Variants in DCC observed in about 807,000 individuals in gnomAD.
DCC encodes the protein DCC netrin 1 receptor, also known as netrin receptor DCC.
Under a neutral mutation model 172.5 loss-of-function variants are expected in DCC, and 58 were observed. That is an observed-to-expected ratio of 0.34 (90% CI 0.27 to 0.42). DCC has a LOEUF of 0.42. Ranked by LOEUF, DCC falls within the 10% of genes least tolerant of loss-of-function variation. The pLI, the probability that DCC is intolerant of heterozygous loss-of-function variation, is 1.00. For synonymous variants in DCC, 709 were observed against 644.5 expected (o/e 1.10, Z -1.52); for missense variants, 1,740 against 1,791.0 (o/e 0.97, Z 0.51).
intron 5 of DCC, among the ~76,000 whole-genome samples, chr18:53,060,668 CTATTT>C (rs2042481323): frequency 6.6e-6 from 1 of 152,102 alleles, no homozygotes; most frequent in Non-Finnish European, 1.5e-5. Context: ...AGAAATCACT[CTATTT>C]TATTAATCAA....
At chr18:52,533,365 G>A (rs79531983) in intron 1 of DCC, among the ~76,000 whole-genome samples, 1 of 152,056 alleles carries the variant, frequency 6.6e-6, no homozygotes, top group Non-Finnish European at 1.5e-5. Flanking sequence ...ACATCATAAA[G>A]ATCCTTGTGT....
At chr18:52,881,355 T>C (rs1217087285) in intron 2 of DCC, among the ~76,000 whole-genome samples, 2 of 152,180 alleles carry the variant, frequency 1.3e-5, no homozygotes, top group Non-Finnish European at 2.9e-5. Flanking sequence ...TATAACTTGA[T>C]GTGACCCAGT....
At chr18:52,502,047 T>C (rs2031042554) in intron 1 of DCC, among the ~76,000 whole-genome samples, 1 of 152,192 alleles carries the variant, frequency 6.6e-6, no homozygotes, top group African/African-American at 2.4e-5. Flanking sequence ...AAGTTCTAAA[T>C]ATGAGAAACT....
chr18:52,380,239 T>G (rs188588117), intron 1 of DCC, among the ~76,000 whole-genome samples: 1 of 151,878 alleles, frequency 6.6e-6, no homozygotes, highest in Admixed American at 6.6e-5. Flanking sequence ...CAACATATAT[T>G]TTAGAGGAGC....
intron 2 of DCC, among the ~76,000 whole-genome samples, chr18:52,900,435 T>C (rs1397939950): frequency 1.3e-5 from 2 of 152,246 alleles, no homozygotes; most frequent in Non-Finnish European, 2.9e-5. Flanking sequence ...GGCAGTCTCA[T>C]AATGGCTCTA....
At chr18:53,044,358 T>C (rs940966050) in intron 5 of DCC, among the ~76,000 whole-genome samples, 6 of 151,918 alleles carry the variant, frequency 3.9e-5, no homozygotes, top group African/African-American at 1.4e-4. Flanking sequence ...TTGCATAGTA[T>C]GTATTTTTAA....
chr18:52,946,211 G>C (rs767216971), intron 5 of DCC, among the ~76,000 whole-genome samples: 8 of 152,092 alleles, frequency 5.3e-5, no homozygotes, highest in Non-Finnish European at 1.2e-4. Flanking sequence ...GTACCTCTTT[G>C]TTTACAGCCT....
At chr18:52,357,827 A>G (rs953645886) in intron 1 of DCC, among the ~76,000 whole-genome samples, 1 of 151,508 alleles carries the variant, frequency 6.6e-6, no homozygotes, top group African/African-American at 2.4e-5. Context: ...AGTCCCAGCT[A>G]CTCGGGAGGC....
chr18:52,468,808 A>C (rs1259214542), intron 1 of DCC, among the ~76,000 whole-genome samples: 1 of 152,034 alleles, frequency 6.6e-6, no homozygotes. Context: ...TGCAACACTA[A>C]ATTTGTGTTA....
At chr18:52,595,702 G>T (rs1005445535) in intron 1 of DCC, among the ~76,000 whole-genome samples, 1 of 152,158 alleles carries the variant, frequency 6.6e-6, no homozygotes, top group Non-Finnish European at 1.5e-5. Context: ...ATTTTAACCA[G>T]CTACAATCAC....
intron 1 of DCC, among the ~76,000 whole-genome samples, chr18:52,488,404 T>C (rs1364154125): frequency 1.3e-5 from 2 of 152,118 alleles, no homozygotes; most frequent in African/African-American, 2.4e-5. Flanking sequence ...TTAATGTGCT[T>C]GTGTATACCA....
At chr18:53,145,777 A>C (rs935461990) in intron 7 of DCC, among the ~76,000 whole-genome samples, 1 of 152,236 alleles carries the variant, frequency 6.6e-6, no homozygotes, top group Non-Finnish European at 1.5e-5. Context: ...AAAGAAATAA[A>C]TAGAAAAAGA....
chr18:53,453,716 A>G (rs1201697694), intron 23 of DCC, among the ~76,000 whole-genome samples: 2 of 152,186 alleles, frequency 1.3e-5, no homozygotes, highest in African/African-American at 4.8e-5. Flanking sequence ...TACTGCTTCT[A>G]TAGTAAACTA....
At chr18:53,056,214 T>A (rs141153740) in intron 5 of DCC, among the ~76,000 whole-genome samples, 29 of 152,198 alleles carry the variant, frequency 1.9e-4, no homozygotes, top group African/African-American at 6.7e-4. Context: ...GTTAGATACA[T>A]GTCTTCACAA....
In DCC at chr18:52,822,593, A is replaced by G. The variant is rs575902447; in HGVS notation, c.412+70219A>G. On this transcript the variant is annotated intron_variant, in intron 2 of 28. Transcript: ENST00000442544. ...TTTTCCCCCTAAACAAAAAGGAAAC[A>G]AAATGTTGAGAGAATGTCAAGCTGC... is the stretch of plus-strand genomic sequence containing the variant. Among the ~76,000 whole-genome samples the G allele has an allele frequency of 3.3e-5, 5 of 152,362 alleles. No individual in the cohort carries two copies. In the South Asian group the frequency reaches 8.3e-4, roughly 25 times the overall value.
At chr18:52,919,528 T>A (rs1487438182) in intron 3 of DCC, among the ~76,000 whole-genome samples, 2 of 152,124 alleles carry the variant, frequency 1.3e-5, no homozygotes, top group Non-Finnish European at 2.9e-5. Context: ...CAAATTCCAA[T>A]GCCTATGAAG....
At chr18:52,953,806 G>A (rs2040697118) in intron 5 of DCC, among the ~76,000 whole-genome samples, 1 of 152,152 alleles carries the variant, frequency 6.6e-6, no homozygotes, top group Admixed American at 6.5e-5. Flanking sequence ...ACATTACAGT[G>A]TCTGCACGAG....
intron 1 of DCC, among the ~76,000 whole-genome samples, chr18:52,436,052 C>A (rs758448318): frequency 6.6e-6 from 1 of 152,360 alleles, no homozygotes; most frequent in Admixed American, 6.5e-5. Flanking sequence ...CTATCACACA[C>A]GGATCCCTCT....
intron 2 of DCC, among the ~76,000 whole-genome samples, chr18:52,900,315 A>G (rs1166933908): frequency 6.6e-6 from 1 of 152,220 alleles, no homozygotes; most frequent in Non-Finnish European, 1.5e-5. Flanking sequence ...TAACAAAGTA[A>G]CATATAAGTA....
Sources: allele counts gnomAD v4.1 joint callset (sites outside exome capture counted in the v4.1 genomes callset), GRCh38; gene constraint gnomAD v4.1.1; transcripts MANE v1.5; gene names NCBI Gene and HGNC (gene_info 2026-07-23, HGNC 2026-07-21).